The following KIAA1217 variants were observed in gnomAD, a reference collection of about 807,000 sequenced individuals.
KIAA1217 encodes the protein KIAA1217, also known as sickle tail protein homolog.
In KIAA1217, 88 loss-of-function variants were observed where a neutral mutation model predicts 163.9. The observed-to-expected ratio is 0.54, with a 90% CI of 0.45 to 0.64. The LOEUF (loss-of-function observed/expected upper bound fraction) is 0.64, where lower values mean the gene tolerates loss of function less well. Among genes scored for constraint, KIAA1217 ranks in the 30% least tolerant of loss-of-function variants. The pLI is 0.00. For missense variants in KIAA1217, 2,372 were observed against 2,475.0 expected (o/e 0.96, Z 0.88); for synonymous variants, 903 against 923.1 (o/e 0.98, Z 0.39).
At chr10:24,533,265 C>T (rs765515127) in intron 16 of KIAA1217, 28 bp downstream of exon 16, 1 of 1,579,180 alleles carries the variant, frequency 6.3e-7, no homozygotes, top group Non-Finnish European at 8.6e-7. Context: ...CTGACATTGG[C>T]TCCTTGCCTC....
intron 5 of KIAA1217, among the ~76,000 whole-genome samples, chr10:24,472,153 C>G (rs1592211603): frequency 6.6e-6 from 1 of 152,108 alleles, no homozygotes; most frequent in Non-Finnish European, 1.5e-5. Context: ...GGTCTTCATC[C>G]TCGTCAACTT....
At chr10:24,242,111 T>A (rs2073179815) in intron 2 of KIAA1217, among the ~76,000 whole-genome samples, 4 of 152,174 alleles carry the variant, frequency 2.6e-5, no homozygotes, top group Non-Finnish European at 4.4e-5. Context: ...GAAAAGCAAA[T>A]ATTTATTTAT....
rs1291223760 is a variant in KIAA1217 at position 24,436,726 on chromosome 10, C to A, written c.753-1660C>A. Among the ~76,000 whole-genome samples the A allele has an allele frequency of 2.3e-5, 3 of 131,762 alleles. No homozygotes were observed. In the South Asian group the frequency reaches 7.2e-4, roughly 31 times the overall value. 86.4% of individuals were successfully genotyped at this position (131,762 alleles called of 152,430 possible). A position where few individuals can be genotyped will look rare whatever the true frequency, so the allele number is the denominator to read the frequency against. ...TGAGCCGAGACGGTGCCACTGCACT[C>A]CAGCCTGGGCGACAGAGTGAGACTC... On this transcript the variant is annotated intron_variant, in intron 4 of 20. Coordinates refer to ENST00000376454, the MANE Select transcript of KIAA1217 (RefSeq NM_019590.5).
chr10:23,913,140 T>A (rs1842504250), intron 1 of KIAA1217, among the ~76,000 whole-genome samples: 1 of 152,152 alleles, frequency 6.6e-6, no homozygotes, highest in Non-Finnish European at 1.5e-5. Flanking sequence ...CAGTGACGTG[T>A]GACAGCCAGC....
chr10:24,190,003 A>G (rs1051651189), intron 2 of KIAA1217, among the ~76,000 whole-genome samples: 1 of 151,338 alleles, frequency 6.6e-6, no homozygotes, highest in East Asian at 1.9e-4. Flanking sequence ...CCTGGGTGAC[A>G]GAGTGAGACT....
intron 1 of KIAA1217, among the ~76,000 whole-genome samples, chr10:23,909,834 G>A (rs904362585): frequency 6.6e-6 from 1 of 152,162 alleles, no homozygotes; most frequent in Non-Finnish European, 1.5e-5. Flanking sequence ...GGGCCAAATG[G>A]TATTGCTAGT....
chr10:24,424,356 AATAGTGTCATTT>A (rs2059011393), intron 3 of KIAA1217, among the ~76,000 whole-genome samples: 1 of 152,226 alleles, frequency 6.6e-6, no homozygotes, highest in Non-Finnish European at 1.5e-5. Flanking sequence ...ACTTCTAAAG[AATAGTGTCATTT>A]ATAGAACCAC....
intron 1 of KIAA1217, among the ~76,000 whole-genome samples, chr10:23,945,668 G>A (rs905174758): frequency 2.0e-5 from 3 of 152,158 alleles, no homozygotes; most frequent in Non-Finnish European, 2.9e-5. Context: ...CTTTTATTAT[G>A]CAGGGGAGGT....
At position 24,369,407 on chromosome 10, in the gene KIAA1217, C is replaced by T. The variant is rs368398567; in HGVS notation, c.355-11462C>T. Among the ~76,000 whole-genome samples the T allele has an allele frequency of 4.1e-4, 62 of 152,274 alleles. 1 individual carries two copies. The highest frequency in any genetic ancestry group is 1.4e-3 in the African/African-American group (58 of 41,546). On this transcript the variant is annotated intron_variant, in intron 2 of 20. Coordinates refer to ENST00000376454, the MANE Select transcript of KIAA1217 (RefSeq NM_019590.5). ...ACAAGAGTCCCTCTTGCCCAGTTCC[C>T]TGTGGCCTTCTCCACTGTGGGGTGA...
intron 2 of KIAA1217, among the ~76,000 whole-genome samples, chr10:24,178,037 G>A (rs934693247): frequency 8.5e-5 from 13 of 152,128 alleles, no homozygotes; most frequent in African/African-American, 1.4e-4. Flanking sequence ...GAGTAACACC[G>A]ATGTACAGCT....
chr10:23,704,144 GTA>G lies in KIAA1217; in HGVS notation c.-321+8912_-321+8913del, dbSNP rs1352598946. ...CACATATATGCATGTATGTGTGTGT[GTA>G]TGTGTGTGTGTGTGTGTGTGTGTGT... On this transcript the variant is annotated intron_variant, in intron 1 of 18. Coordinates refer to the KIAA1217 transcript ENST00000376462. Among the ~76,000 whole-genome samples, 197 of 82,570 alleles carry G rather than the reference GTA, an allele frequency of 2.4e-3. 1 individual carries two copies. Among genetic ancestry groups the G allele is most frequent in the African/African-American group, 0.013 (159 of 12,470 alleles). 54.2% of individuals were successfully genotyped at this position (82,570 alleles called of 152,430 possible).
At chr10:24,479,431 A>G (rs1184119403) in intron 6 of KIAA1217, among the ~76,000 whole-genome samples, 2 of 152,228 alleles carry the variant, frequency 1.3e-5, no homozygotes, top group African/African-American at 2.4e-5. Flanking sequence ...AAGAAGGATT[A>G]CTTGCTTTCC....
intron 1 of KIAA1217, among the ~76,000 whole-genome samples, chr10:23,760,000 T>G (rs1834167229): frequency 6.6e-6 from 1 of 152,220 alleles, no homozygotes; most frequent in Non-Finnish European, 1.5e-5. Context: ...TCTATTTACC[T>G]AATGTCGTAT....
intron 1 of KIAA1217, among the ~76,000 whole-genome samples, chr10:23,845,784 T>C (rs919060213): frequency 1.3e-5 from 2 of 152,176 alleles, no homozygotes; most frequent in Non-Finnish European, 2.9e-5. Context: ...GCTTTTGGTG[T>C]TTTGGACATG....
intron 2 of KIAA1217, among the ~76,000 whole-genome samples, chr10:24,282,065 CA>C (rs1418554857): frequency 2.6e-5 from 4 of 151,518 alleles, no homozygotes; most frequent in South Asian, 2.1e-4. Context: ...TCAACAACAA[CA>C]AAAAAAGTAC....
chr10:24,051,882 A>G (rs1282539214), intron 2 of KIAA1217, among the ~76,000 whole-genome samples: 1 of 151,908 alleles, frequency 6.6e-6, no homozygotes, highest in Admixed American at 6.6e-5. Flanking sequence ...CTTTGCAAAA[A>G]TTTTCTCCTA....
intron 1 of KIAA1217, among the ~76,000 whole-genome samples, chr10:23,702,500 A>G (rs191214332): frequency 7.2e-5 from 11 of 152,278 alleles, no homozygotes; most frequent in South Asian, 2.1e-4. Flanking sequence ...CTGAGCATTC[A>G]AAAATAATAC....
At chr10:24,513,512 C>A (rs2069530715) in intron 10 of KIAA1217, 78 bp downstream of exon 10, 5 of 1,422,138 alleles carry the variant, frequency 3.5e-6, no homozygotes, top group African/African-American at 1.4e-5. Flanking sequence ...AGGTCCTTCC[C>A]AGTTGGTGGT....
At chr10:23,846,595 A>G (rs1839043274) in intron 1 of KIAA1217, among the ~76,000 whole-genome samples, 1 of 152,166 alleles carries the variant, frequency 6.6e-6, no homozygotes, top group Non-Finnish European at 1.5e-5. Context: ...GTATCCTAAG[A>G]GTTTGCTGAA....
Sources: allele counts gnomAD v4.1 joint callset (sites outside exome capture counted in the v4.1 genomes callset), GRCh38; gene constraint gnomAD v4.1.1; transcripts MANE v1.5; gene names NCBI Gene and HGNC (gene_info 2026-07-23, HGNC 2026-07-21).